CDH6: variants seen among roughly 807,000 people sequenced by gnomAD.
The protein encoded by CDH6 is cadherin-6.
Under a neutral mutation model 78.0 loss-of-function variants are expected in CDH6, and 31 were observed. The observed-to-expected ratio is 0.40, with a 90% CI of 0.30 to 0.54. The LOEUF (loss-of-function observed/expected upper bound fraction) is 0.54, where lower values mean the gene tolerates loss of function less well. Ranked by LOEUF, CDH6 falls within the 20% of genes least tolerant of loss-of-function variation. The pLI is 0.56. For missense variants in CDH6, 724 were observed against 975.9 expected (o/e 0.74, Z 3.44); for synonymous variants, 376 against 368.8 (o/e 1.02, Z -0.23).
chr5:31,326,680 A>ATTTTTTTTTTTTTTTTTTTTTTTT lies in CDH6; in HGVS notation c.*3372_*3373insTTTTTTTTTTTTTTTTTTTTTTTT, dbSNP rs750696655. 5 of 130,318 alleles carry ATTTTTTTTTTTTTTTTTTTTTTTT rather than the reference A, an allele frequency of 3.8e-5. 1 individual carries two copies. The highest frequency in any genetic ancestry group is 3.2e-5 in the Non-Finnish European group (2 of 61,680). The allele number at this position is 130,318 out of a possible 1,614,324, so 8.1% of individuals were successfully genotyped here. The stretch of plus-strand genomic sequence containing the variant: ...CAAAGAGTTGTGCAGAAAATCTTAA[A>ATTTTTTTTTTTTTTTTTTTTTTTT]ATTTTTTTTTTTTTTTTTTTTTTTT... On this transcript the variant is annotated 3_prime_UTR_variant, in exon 12 of 12. Transcript: ENST00000265071.
At position 31,260,319 on chromosome 5, in the gene CDH6, G is replaced by A. The variant is rs145555603; in HGVS notation, c.-128-7027G>A. Among the ~76,000 whole-genome samples the A allele has an allele frequency of 1.8e-3, 281 of 152,300 alleles. 2 individuals carry two copies. Among genetic ancestry groups the A allele is most frequent in the South Asian group, 0.016 (75 of 4,828 alleles). On this transcript the variant is annotated intron_variant, in intron 1 of 11. Coordinates refer to ENST00000265071, the MANE Select transcript of CDH6 (RefSeq NM_004932.4). ...TCCAGCCAGCGTTGTGCGGGGCTGAGATTCTCACCTTGACATGTGGCATGC... is the reference window on the plus strand; with the variant it reads ...TCCAGCCAGCGTTGTGCGGGGCTGAAATTCTCACCTTGACATGTGGCATGC...
At position 31,317,374 on chromosome 5, in the gene CDH6, G is replaced by A; in HGVS notation, c.1513-1G>A. 6.7e-7 allele frequency: 1 copy of A among 1,490,550 alleles called. No individual in the cohort carries two copies. Among genetic ancestry groups the A allele is most frequent in the Non-Finnish European group, 9.2e-7 (1 of 1,083,918 alleles). The allele number at this position is 1,490,550 out of a possible 1,614,324, so 92.3% of individuals were successfully genotyped here. On this transcript the variant is annotated splice_acceptor_variant, in intron 9 of 11. Coordinates refer to ENST00000265071, the MANE Select transcript of CDH6 (RefSeq NM_004932.4). LOFTEE classifies it high-confidence loss of function. Reference sequence around the variant, plus strand: ...TGGCAGCGTTTTGGTTTTTCTCTTAGTTGATTCAGACCCTGCATGCTGTTG... The same window carrying A: ...TGGCAGCGTTTTGGTTTTTCTCTTAATTGATTCAGACCCTGCATGCTGTTG...
rs16900838 is a variant in CDH6 at position 31,296,091 on chromosome 5, A to G, written c.524-1198A>G. 1.6e-3 allele frequency among the ~76,000 whole-genome samples: 248 copies of G among 152,276 alleles called. 2 individuals are homozygous for G. Among genetic ancestry groups the G allele is most frequent in the African/African-American group, 5.7e-3 (239 of 41,566 alleles). On this transcript the variant is annotated intron_variant, in intron 3 of 11. Coordinates refer to ENST00000265071, the MANE Select transcript of CDH6 (RefSeq NM_004932.4). Reference sequence around the variant, plus strand: ...TCAGGGCATCCAACCCTAACATACTACAATCTATTTCTTCAATAAGTGAAA... The same window carrying G: ...TCAGGGCATCCAACCCTAACATACTGCAATCTATTTCTTCAATAAGTGAAA...
In CDH6 at chr5:31,328,016, GTTAGC is replaced by G. The variant is rs1738654441; in HGVS notation, c.*4709_*4713del. On this transcript the variant is annotated 3_prime_UTR_variant, in exon 12 of 12. Transcript: ENST00000265071. ...ATTTTCATTTTTATTTGGGGGAAAC[GTTAGC>G]CCAACAGAGCCGGCAGATGAAAGTG... 10 of 215,838 alleles carry G rather than the reference GTTAGC, an allele frequency of 4.6e-5. No homozygotes were observed. In the South Asian group the frequency reaches 1.9e-3, roughly 40 times the overall value. The allele number at this position is 215,838 out of a possible 1,614,324, so 13.4% of individuals were successfully genotyped here.
At chr5:31,253,101 G>C (rs922737395) in intron 1 of CDH6, among the ~76,000 whole-genome samples, 9 of 152,174 alleles carry the variant, frequency 5.9e-5, no homozygotes. Flanking sequence ...GGGAGGCCTG[G>C]CTTCCTGATT....
intron 1 of CDH6, among the ~76,000 whole-genome samples, chr5:31,256,016 A>AGATTTTTTTTTG (rs966025199): frequency 6.6e-6 from 1 of 152,198 alleles, no homozygotes; most frequent in Non-Finnish European, 1.5e-5. Flanking sequence ...CTGAAGAATC[A>AGATTTTTTTTTG]CTATCCCTTT....
In CDH6 at chr5:31,302,778, AAGAGAGAGAG is replaced by A. The variant is rs766671272; in HGVS notation, c.999+494_999+503del. Among the ~76,000 whole-genome samples the A allele has an allele frequency of 4.1e-3, 266 of 64,588 alleles. 7 individuals are homozygous for A. Among genetic ancestry groups the A allele is most frequent in the African/African-American group, 0.012 (243 of 20,990 alleles). 42.4% of individuals were successfully genotyped at this position (64,588 alleles called of 152,430 possible). On this transcript the variant is annotated intron_variant, in intron 6 of 11. Coordinates refer to ENST00000265071, the MANE Select transcript of CDH6 (RefSeq NM_004932.4). Reference sequence around the variant, plus strand: ...GAAAGAAAGAAAGAAAGAAAGAAGAAAGAGAGAGAGAGAGAGAGAGAGAAAGAAAGAAAGA... The same window carrying A: ...GAAAGAAAGAAAGAAAGAAAGAAGAAAGAGAGAGAGAGAAAGAAAGAAAGA...
In CDH6 at chr5:31,325,966, T is replaced by C. The variant is rs1738616781; in HGVS notation, c.*2658T>C. The C allele has an allele frequency of 8.6e-6, 2 of 232,370 alleles. No individual in the cohort carries two copies. Among genetic ancestry groups the C allele is most frequent in the East Asian group, 1.2e-4 (2 of 16,428 alleles). The allele number at this position is 232,370 out of a possible 1,614,324, so 14.4% of individuals were successfully genotyped here. A position where few individuals can be genotyped will look rare whatever the true frequency, so the allele number is the denominator to read the frequency against. On this transcript the variant is annotated 3_prime_UTR_variant, in exon 12 of 12. Transcript: ENST00000265071. ...AGTTCCATCATTCTCCAGCTTCGTCTCACTTCCTTCCCACCCCACCTGAGT... is the reference window on the plus strand; with the variant it reads ...AGTTCCATCATTCTCCAGCTTCGTCCCACTTCCTTCCCACCCCACCTGAGT...
At chr5:31,228,685 C>T (rs576768703) in intron 1 of CDH6, among the ~76,000 whole-genome samples, 35 of 152,316 alleles carry the variant, frequency 2.3e-4, no homozygotes, top group African/African-American at 8.2e-4. Context: ...ATAAGGAGCA[C>T]GCAACCTGCA....
At chr5:31,235,878 T>C (rs1413066414) in intron 1 of CDH6, among the ~76,000 whole-genome samples, 6 of 152,224 alleles carry the variant, frequency 3.9e-5, no homozygotes, top group Non-Finnish European at 5.9e-5. Context: ...TTACAATTTT[T>C]CTTTTCCTTT....
intron 1 of CDH6, chr5:31,251,978 C>G (rs1340957842): frequency 6.6e-6 from 1 of 152,152 alleles, no homozygotes; most frequent in Non-Finnish European, 1.5e-5. Context: ...ATAGCTGAAG[C>G]TGTATTTTCT....
intron 1 of CDH6, among the ~76,000 whole-genome samples, chr5:31,230,010 C>T (rs146344421): frequency 1.4e-3 from 218 of 152,248 alleles, no homozygotes; most frequent in African/African-American, 5.0e-3. Flanking sequence ...GTTTAATTGG[C>T]GGATGCTATT....
At chr5:31,302,903 AAAAGAAAGAAAGAAAGAAAG>A (rs70953502) in intron 6 of CDH6, among the ~76,000 whole-genome samples, 176 of 90,456 alleles carry the variant, frequency 1.9e-3, no homozygotes, top group South Asian at 7.6e-3. Context: ...AAGAAAGAAA[AAAAGAAAGAAAGAAAGAAAG>A]AAAGAAAGAA....
chr5:31,302,854 GAA>G (rs1561066205), intron 6 of CDH6, among the ~76,000 whole-genome samples: 11 of 124,116 alleles, frequency 8.9e-5, no homozygotes, highest in African/African-American at 2.8e-4. Flanking sequence ...GAAAGAAAGA[GAA>G]AGAAAGGAAG....
intron 1 of CDH6, chr5:31,250,194 T>G (rs1741870381): frequency 6.6e-6 from 1 of 152,120 alleles, no homozygotes; most frequent in Admixed American, 6.5e-5. Context: ...GTGGCCAGAG[T>G]TGTAGACTTG....
In CDH6 at chr5:31,302,125, A is replaced by G; in HGVS notation, c.826A>G (p.Lys276Glu). The change falls in exon 6 of 12, where the codon AAA (lysine) becomes GAA (glutamate). Residue 276 changes from lysine (K) to glutamate (E), a missense_variant. Around this residue, in one of 3 missense-constraint regions of CDH6, gnomAD observed 446 missense variants for 684.5 expected, o/e 0.65. Coordinates refer to ENST00000265071, the MANE Select transcript of CDH6 (RefSeq NM_004932.4). ...PRFPQSTYQF[K>E]TPESSPPGTP... ...GTGATTAATAGGTACATACCAGTTT[A>G]AAACTCCTGAATCTTCTCCACCGGG... 1 of 1,613,168 alleles carries G rather than the reference A, an allele frequency of 6.2e-7. No homozygotes were observed. Among genetic ancestry groups the G allele is most frequent in the Non-Finnish European group, 8.5e-7 (1 of 1,179,264 alleles).
chr5:31,253,307 A>G (rs1367084385), intron 1 of CDH6, among the ~76,000 whole-genome samples: 1 of 152,194 alleles, frequency 6.6e-6, no homozygotes, highest in East Asian at 1.9e-4. Flanking sequence ...ATAATGAGTG[A>G]GTTCTCACAA....
intron 4 of CDH6, among the ~76,000 whole-genome samples, chr5:31,298,236 T>C (rs561096613): frequency 6.6e-6 from 1 of 152,344 alleles, no homozygotes; most frequent in South Asian, 2.1e-4. Context: ...ATTTTTATCA[T>C]AATGAGTCAA....
intron 1 of CDH6, among the ~76,000 whole-genome samples, chr5:31,236,230 A>G (rs1386779048): frequency 6.6e-6 from 1 of 152,240 alleles, no homozygotes; most frequent in Non-Finnish European, 1.5e-5. Flanking sequence ...AGGAAAATTA[A>G]TGGGAAAATT....
Sources: allele counts gnomAD v4.1 joint callset (sites outside exome capture counted in the v4.1 genomes callset), GRCh38; gene constraint gnomAD v4.1.1; regional missense constraint gnomAD v4.1.1; transcripts MANE v1.5; gene names NCBI Gene and HGNC (gene_info 2026-07-23, HGNC 2026-07-21).